Variants in SIL1 observed in about 807,000 individuals in gnomAD.
The protein encoded by SIL1 is nucleotide exchange factor SIL1.
SIL1 carries 40 observed loss-of-function variants against 49.1 expected under a neutral mutation model. The ratio of observed to expected loss-of-function variants is 0.81; its 90% confidence interval spans 0.63 to 1.06. The LOEUF is 1.06. Ranked by LOEUF, SIL1 falls within the 50% of genes least tolerant of loss-of-function variation. The pLI, the probability that SIL1 is intolerant of heterozygous loss-of-function variation, is 0.00. For synonymous variants in SIL1, 253 were observed against 250.8 expected (o/e 1.01, Z -0.08); for missense variants, 500 against 572.6 (o/e 0.87, Z 1.29).
chr5:139,173,316 A>C (rs552764497), intron 1 of SIL1, among the ~76,000 whole-genome samples: 1 of 152,268 alleles, frequency 6.6e-6, no homozygotes, highest in East Asian at 1.9e-4. Flanking sequence ...TTTGGAGACC[A>C]AGGCAGGCAG....
chr5:139,103,854 G>A (rs1770645432), intron 3 of SIL1, among the ~76,000 whole-genome samples: 1 of 151,258 alleles, frequency 6.6e-6, no homozygotes, highest in Admixed American at 6.5e-5. Context: ...AATAAATGCT[G>A]CCCTACCACA....
intron 1 of SIL1, among the ~76,000 whole-genome samples, chr5:139,138,518 C>T (rs1751020976): frequency 6.6e-6 from 1 of 152,206 alleles, no homozygotes; most frequent in South Asian, 2.1e-4. Context: ...GCTCCATTCC[C>T]TTCCAACCCA....
chr5:139,168,622 C>CT (rs70982753), intron 1 of SIL1, among the ~76,000 whole-genome samples: 6 of 150,596 alleles, frequency 4.0e-5, no homozygotes, highest in East Asian at 3.9e-4. Context: ...AGGGCCAATG[C>CT]TTTTTTTTTT....
chr5:139,122,684 A>C (rs939367172), intron 2 of SIL1, among the ~76,000 whole-genome samples: 4 of 152,162 alleles, frequency 2.6e-5, no homozygotes, highest in Admixed American at 2.0e-4. Context: ...AGGAAAAGTT[A>C]AAATGTTAAG....
chr5:138,962,066 G>C (rs73265465), intron 7 of SIL1, among the ~76,000 whole-genome samples: 99 of 150,352 alleles, frequency 6.6e-4, no homozygotes, highest in African/African-American at 2.3e-3. Context: ...AAAACTGTCA[G>C]AAAAGAGAAT....
At chr5:139,072,342 T>A (rs1769853356) in intron 3 of SIL1, among the ~76,000 whole-genome samples, 1 of 152,194 alleles carries the variant, frequency 6.6e-6, no homozygotes, top group South Asian at 2.1e-4. Flanking sequence ...GAAATAGAGA[T>A]GAATTCAACG....
chr5:139,173,098 A>G (rs909955634), intron 1 of SIL1, among the ~76,000 whole-genome samples: 1 of 152,244 alleles, frequency 6.6e-6, no homozygotes, highest in African/African-American at 2.4e-5. Flanking sequence ...CATGACATCA[A>G]CAACTGAAAG....
chr5:139,036,832 C>T (rs1056694528), intron 5 of SIL1, among the ~76,000 whole-genome samples: 1 of 152,008 alleles, frequency 6.6e-6, no homozygotes, highest in African/African-American at 2.4e-5. Flanking sequence ...TGAACATGTA[C>T]CCCTGAACTT....
chr5:139,057,992 T>C (rs10038722), intron 3 of SIL1, among the ~76,000 whole-genome samples: 8,180 of 152,264 alleles, frequency 0.054, 373 homozygotes, highest in African/African-American at 0.13. Flanking sequence ...CTTCTAATAC[T>C]ATCATACTGG....
intron 7 of SIL1, among the ~76,000 whole-genome samples, chr5:138,978,801 C>T (rs1189261368): frequency 6.6e-6 from 1 of 152,202 alleles, no homozygotes; most frequent in East Asian, 1.9e-4. Flanking sequence ...GTACTTACTG[C>T]ACATTTGCAT....
intron 1 of SIL1, among the ~76,000 whole-genome samples, chr5:139,145,338 A>G (rs1193352943): frequency 3.9e-5 from 6 of 152,232 alleles, no homozygotes; most frequent in Non-Finnish European, 5.9e-5. Flanking sequence ...AGTGTTGGTG[A>G]AGATGTGAAG....
In SIL1 at chr5:138,948,807, AG is replaced by A. The variant is rs1271889414; in HGVS notation, c.1030-1335del. Among the ~76,000 whole-genome samples the A allele has an allele frequency of 1.3e-5, 2 of 152,198 alleles. No homozygotes were observed. The highest frequency in any genetic ancestry group is 2.4e-5 in the African/African-American group (1 of 41,450). On this transcript the variant is annotated intron_variant, in intron 9 of 9. Transcript: ENST00000394817. The surrounding 1 kb of genome is among the most constrained non-coding windows in gnomAD (Gnocchi z 4.8). ...AGTATTGAGAGGAGCTGCCTAGGTC[AG>A]GAGGGCAGCGGGTTCCTTACGGGAG... is the stretch of plus-strand genomic sequence containing the variant.
chr5:139,061,844 C>T (rs1769596640), intron 3 of SIL1, among the ~76,000 whole-genome samples: 1 of 152,172 alleles, frequency 6.6e-6, no homozygotes, highest in African/African-American at 2.4e-5. Context: ...TTGGTGCCCA[C>T]AGCTCAAGCT....
rs545499790 is a variant in SIL1 at position 139,066,281 on chromosome 5, C to T, written c.245-15235G>A. On this transcript the variant is annotated intron_variant, in intron 3 of 9. Transcript: ENST00000394817. ...TCGCCCCTCATCCACAGCTACCCCACGCTCTGGCTAAACTCCCCCTATGCT... is the reference window on the plus strand; with the variant it reads ...TCGCCCCTCATCCACAGCTACCCCATGCTCTGGCTAAACTCCCCCTATGCT... Among the ~76,000 whole-genome samples the T allele has an allele frequency of 1.1e-3, 173 of 152,324 alleles. 3 individuals carry two copies. The South Asian group carries it at 0.012, about 11-fold the overall frequency.
At chr5:138,995,007 G>A (rs922926845) in intron 7 of SIL1, among the ~76,000 whole-genome samples, 2 of 152,032 alleles carry the variant, frequency 1.3e-5, no homozygotes, top group East Asian at 1.9e-4. Context: ...TAATGGCTTC[G>A]AGCTCCATTC....
intron 7 of SIL1, among the ~76,000 whole-genome samples, chr5:138,995,086 T>C (rs1767835816): frequency 6.6e-6 from 1 of 152,198 alleles, no homozygotes; most frequent in South Asian, 2.1e-4. Context: ...CTTTATCCAG[T>C]CTATCACTGA....
intron 1 of SIL1, among the ~76,000 whole-genome samples, chr5:139,166,965 C>T (rs1228033814): frequency 1.3e-5 from 2 of 152,022 alleles, no homozygotes; most frequent in African/African-American, 2.4e-5. Context: ...CCCACCACCA[C>T]GCCCGGCTAA....
At chr5:139,155,656 AC>A (rs1316203385) in intron 1 of SIL1, among the ~76,000 whole-genome samples, 1 of 151,902 alleles carries the variant, frequency 6.6e-6, no homozygotes, top group Non-Finnish European at 1.5e-5. Flanking sequence ...AGTCATTAAT[AC>A]CCCCTAAAGG....
chr5:139,129,634 T>C (rs1386109723), intron 1 of SIL1, among the ~76,000 whole-genome samples: 4 of 152,256 alleles, frequency 2.6e-5, no homozygotes, highest in Non-Finnish European at 5.9e-5. Context: ...ATCACGCCAC[T>C]GCATTCCAGC....
Sources: allele counts gnomAD v4.1 joint callset (sites outside exome capture counted in the v4.1 genomes callset), GRCh38; gene constraint gnomAD v4.1.1; non-coding constraint Gnocchi (gnomAD v3.1); transcripts MANE v1.5; gene names NCBI Gene and HGNC (gene_info 2026-07-23, HGNC 2026-07-21).